LRRC28: variants seen among roughly 807,000 people sequenced by gnomAD.
LRRC28 encodes the protein leucine rich repeat containing 28.
In LRRC28, 39 loss-of-function variants were observed where a neutral mutation model predicts 45.7. The ratio of observed to expected loss-of-function variants is 0.85; its 90% CI spans 0.66 to 1.12. LRRC28 has a LOEUF of 1.12. LRRC28 is among the 50% of genes most tolerant of loss of function. The pLI is 0.00. For missense variants in LRRC28, 435 were observed against 438.5 expected (o/e 0.99, Z 0.07); for synonymous variants, 206 against 178.8 (o/e 1.15, Z -1.22).
intron 1 of LRRC28, among the ~76,000 whole-genome samples, chr15:99,252,290 C>T (rs1006152638): frequency 3.3e-5 from 5 of 152,198 alleles, no homozygotes; most frequent in Non-Finnish European, 7.3e-5. Context: ...ATGCATACTG[C>T]AAAACTGTGA....
chr15:99,363,000 G>T, intron 8 of LRRC28, 106 bp from the exon 9 acceptor site: 4 of 1,206,322 alleles, frequency 3.3e-6, no homozygotes, highest in Non-Finnish European at 3.4e-6. Context: ...TCAACATGAA[G>T]TACTTTTAAG....
intron 6 of LRRC28, among the ~76,000 whole-genome samples, chr15:99,335,532 C>T (rs1023575808): frequency 3.9e-5 from 6 of 152,134 alleles, no homozygotes; most frequent in Non-Finnish European, 7.4e-5. Flanking sequence ...TGATGCATAC[C>T]TGTAGTCCCA....
chr15:99,352,253 G>T (rs1293171458), intron 6 of LRRC28, 116 bp from the exon 7 acceptor site: 2 of 736,616 alleles, frequency 2.7e-6, no homozygotes, highest in African/African-American at 1.8e-5. Context: ...ACTTTTTATG[G>T]TTTTCTTCCA....
intron 6 of LRRC28, among the ~76,000 whole-genome samples, chr15:99,350,142 C>CAAAAA (rs71149462): frequency 1.0e-5 from 1 of 97,884 alleles, no homozygotes; most frequent in Non-Finnish European, 2.0e-5. Context: ...GACTCCGTCT[C>CAAAAA]AAAAAAAAAA....
At chr15:99,282,923 C>T (rs2081846975) in intron 3 of LRRC28, among the ~76,000 whole-genome samples, 1 of 151,890 alleles carries the variant, frequency 6.6e-6, no homozygotes, top group South Asian at 2.1e-4. Context: ...GATGGAATTT[C>T]GCTCTTGTCG....
rs368508068 is a variant in LRRC28 at position 99,334,575 on chromosome 15, T to A, written c.592+446T>A. On this transcript the variant is annotated intron_variant, in intron 6 of 9. Transcript: ENST00000301981. ...GCCAGATAACCAGATTATAAAACTT[T>A]AAAGACCTTAAAATTGGCTGAACTT... is the stretch of plus-strand genomic sequence containing the variant. Among the ~76,000 whole-genome samples the A allele has an allele frequency of 9.3e-4, 142 of 152,264 alleles. 3 individuals are homozygous for A. The highest frequency in any genetic ancestry group is 3.0e-3 in the African/African-American group (125 of 41,550).
intron 3 of LRRC28, chr15:99,284,804 G>A: frequency 1.8e-6 from 1 of 541,112 alleles, no homozygotes; most frequent in South Asian, 1.4e-5. Flanking sequence ...AATCATTGTA[G>A]CTTCCACCAC....
At chr15:99,335,412 A>G (rs1215120966) in intron 6 of LRRC28, among the ~76,000 whole-genome samples, 2 of 152,226 alleles carry the variant, frequency 1.3e-5, no homozygotes, top group Admixed American at 6.5e-5. Flanking sequence ...TAGTTTATGT[A>G]TAAGAATTAT....
intron 2 of LRRC28, among the ~76,000 whole-genome samples, 198 bp from the exon 3 acceptor site, chr15:99,276,377 GT>G (rs1013324609): frequency 3.9e-5 from 6 of 152,060 alleles, no homozygotes; most frequent in Non-Finnish European, 8.8e-5. Context: ...AAGGGACATT[GT>G]TTTTTAATGT....
chr15:99,345,376 C>A (rs754460214), intron 6 of LRRC28, among the ~76,000 whole-genome samples: 2 of 152,122 alleles, frequency 1.3e-5, no homozygotes, highest in Non-Finnish European at 2.9e-5. Flanking sequence ...AAAAAATATT[C>A]CAAAGTGTTC....
chr15:99,337,106 T>C (rs1233537813), intron 6 of LRRC28, among the ~76,000 whole-genome samples: 1 of 152,220 alleles, frequency 6.6e-6, no homozygotes, highest in Non-Finnish European at 1.5e-5. Context: ...GCCCTTCACC[T>C]TTGCCTATTC....
At chr15:99,292,285 A>T (rs2082141190) in intron 5 of LRRC28, among the ~76,000 whole-genome samples, 1 of 150,032 alleles carries the variant, frequency 6.7e-6, no homozygotes, top group Admixed American at 6.6e-5. Context: ...TCTTGCCCTC[A>T]TTTTTGGTAA....
rs114768337 is a variant in LRRC28, at chr15:99,259,833, T to C, written c.168+3708T>C. ...TACCAGACACTAAAGCATATGGAGA[T>C]AGAATAGAAAGAATGCCTTGCCTCA... is the stretch of plus-strand genomic sequence containing the variant. On this transcript the variant is annotated intron_variant, in intron 2 of 9. Coordinates refer to ENST00000301981, the MANE Select transcript of LRRC28 (RefSeq NM_144598.5). The C allele has an allele frequency of 6.6e-4, 561 of 856,312 alleles. 5 individuals carry two copies. The African/African-American group carries it at 8.4e-3, about 13-fold the overall frequency. 53.0% of individuals were successfully genotyped at this position (856,312 alleles called of 1,614,324 possible). A position where few individuals can be genotyped will look rare whatever the true frequency, so the allele number is the denominator to read the frequency against.
intron 6 of LRRC28, 82 bp from the exon 7 acceptor site, chr15:99,352,287 T>C (rs1415495923): frequency 1.1e-6 from 1 of 931,380 alleles, no homozygotes; most frequent in Non-Finnish European, 1.6e-6. Context: ...CGAATATTTC[T>C]AATACTATGT....
Position 99,380,324 on chromosome 15 carries a change from T to A in LRRC28, c.1032-5706T>A, listed in dbSNP as rs543969543. Among the ~76,000 whole-genome samples, 4 of 152,304 alleles carry A rather than the reference T, an allele frequency of 2.6e-5. No homozygotes were observed. The South Asian group carries it at 8.3e-4, about 32-fold the overall frequency. On this transcript the variant is annotated intron_variant, in intron 9 of 9. Transcript: ENST00000301981. ...CTTTGTCTCTTTTGATCTTTGTTGGTTTAAAGTCTGTTTTGTCAGAGACTA... is the reference window on the plus strand; with the variant it reads ...CTTTGTCTCTTTTGATCTTTGTTGGATTAAAGTCTGTTTTGTCAGAGACTA...
At chr15:99,358,723 G>GA (rs569070854) in intron 7 of LRRC28, among the ~76,000 whole-genome samples, 8 of 147,070 alleles carry the variant, frequency 5.4e-5, no homozygotes, top group East Asian at 3.9e-4. Flanking sequence ...TTTCCATTTG[G>GA]AAAAAAAAAG....
chr15:99,299,950 A>C (rs73473372), intron 5 of LRRC28, among the ~76,000 whole-genome samples: 5,599 of 152,260 alleles, frequency 0.037, 346 homozygotes, highest in African/African-American at 0.13. Context: ...CTAGTTGTTT[A>C]TATGTCTGAT....
intron 7 of LRRC28, among the ~76,000 whole-genome samples, chr15:99,360,691 G>A (rs1420859576): frequency 3.9e-5 from 6 of 152,162 alleles, no homozygotes; most frequent in African/African-American, 1.4e-4. Context: ...GTTACCCAAT[G>A]GTTTCACACA....
intron 2 of LRRC28, among the ~76,000 whole-genome samples, chr15:99,270,094 A>C (rs747773863): frequency 1.9e-4 from 29 of 152,218 alleles, no homozygotes; most frequent in Non-Finnish European, 3.7e-4. Context: ...CAGTTTTAAA[A>C]AATCTGGACA....
Sources: gnomAD v4.1 joint callset for allele counts (sites outside exome capture counted in the v4.1 genomes callset) on GRCh38, gnomAD v4.1.1 for gene constraint, MANE v1.5 for transcripts, NCBI Gene and HGNC (gene_info 2026-07-23, HGNC 2026-07-21) for gene names.